The following PID1 variants were observed in gnomAD, a reference collection of about 807,000 sequenced individuals.
PID1 encodes phosphotyrosine interaction domain containing 1, also known as PTB-containing, cubilin and LRP1-interacting protein.
A neutral mutation model predicts 19.1 loss-of-function variants in PID1; 10 were observed. That is an observed-to-expected ratio of 0.52 (90% confidence interval 0.32 to 0.89). The LOEUF (loss-of-function observed/expected upper bound fraction) is 0.89, where lower values mean the gene tolerates loss of function less well. PID1 is among the 40% of genes least tolerant of loss of function. The pLI is 0.03. For synonymous variants in PID1, 130 were observed against 116.0 expected, an observed-to-expected ratio of 1.12 and a Z score of -0.78; for missense variants, 248 against 285.3, an observed-to-expected ratio of 0.87 and a Z score of 0.94.
chr2:229,219,851 CATT>C (rs1691928260), intron 1 of PID1, among the ~76,000 whole-genome samples: 2 of 149,952 alleles, frequency 1.3e-5, no homozygotes, highest in African/African-American at 4.9e-5. Context: ...TTTTTTTTGT[CATT>C]GTTGTAGATA....
At chr2:229,054,717 TGTGGGG>T (rs1435093029) in intron 2 of PID1, among the ~76,000 whole-genome samples, 143 of 8,746 alleles carry the variant, frequency 0.016, 1 homozygote, top group Non-Finnish European at 0.037. Flanking sequence ...TGTGTGTGTG[TGTGGGG>T]GGGGGGGGGG....
At chr2:229,268,792 G>T (rs1423942706) in intron 1 of PID1, among the ~76,000 whole-genome samples, 3 of 151,960 alleles carry the variant, frequency 2.0e-5, no homozygotes, top group African/African-American at 7.2e-5. Context: ...TGAGGAATCG[G>T]ACAGGCATGT....
Position 229,271,118 on chromosome 2 carries a change from C to T in PID1, c.-75G>A, listed in dbSNP as rs1042523875. On this transcript the variant is annotated 5_prime_UTR_variant, in exon 1 of 3. Coordinates refer to ENST00000392055, the MANE Select transcript of PID1 (RefSeq NM_001100818.2). ...GCGCCGGGGGGCGAGGGGCTGGGGTCCCGCTTTACATCTGGGGTCGGTGTC... is the reference window on the plus strand; with the variant it reads ...GCGCCGGGGGGCGAGGGGCTGGGGTTCCGCTTTACATCTGGGGTCGGTGTC... 4.7e-6 allele frequency: 7 copies of T among 1,487,218 alleles called. No individual in the cohort carries two copies. Among genetic ancestry groups the T allele is most frequent in the South Asian group, 1.2e-5 (1 of 81,178 alleles). 92.1% of individuals were successfully genotyped at this position (1,487,218 alleles called of 1,614,324 possible).
chr2:229,132,961 A>G (rs1689775770), intron 2 of PID1, among the ~76,000 whole-genome samples: 1 of 152,220 alleles, frequency 6.6e-6, no homozygotes, highest in African/African-American at 2.4e-5. Context: ...ATTTTGTTGT[A>G]GCCAATGCTT....
chr2:229,225,964 T>A (rs1208641814), intron 1 of PID1, among the ~76,000 whole-genome samples: 3 of 152,170 alleles, frequency 2.0e-5, no homozygotes, highest in African/African-American at 7.2e-5. Flanking sequence ...CAGGATGACA[T>A]CTGGTTGGGG....
intron 2 of PID1, among the ~76,000 whole-genome samples, chr2:229,041,895 G>T (rs1477412112): frequency 6.6e-6 from 1 of 152,080 alleles, no homozygotes; most frequent in Non-Finnish European, 1.5e-5. Flanking sequence ...CCAGATTAAA[G>T]GACATTAATG....
rs987230888 is a variant in PID1 at position 229,024,473 on chromosome 2, A to T, written c.*1159T>A. On this transcript the variant is annotated 3_prime_UTR_variant, in exon 3 of 3. Transcript: ENST00000392055. ...TTAGTGAGAACTTCCCATTCAAAATAAAAAAAAAGGGCAATTCTGACCCTA... is the reference window on the plus strand; with the variant it reads ...TTAGTGAGAACTTCCCATTCAAAATTAAAAAAAAGGGCAATTCTGACCCTA... 2.0e-5 allele frequency: 3 copies of T among 146,930 alleles called. No homozygotes were observed. The highest frequency in any genetic ancestry group is 6.7e-5 in the Admixed American group (1 of 14,934). The allele number at this position is 146,930 out of a possible 1,614,324, so 9.1% of individuals were successfully genotyped here.
At chr2:229,182,491 T>A (rs890256145) in intron 1 of PID1, among the ~76,000 whole-genome samples, 1 of 152,188 alleles carries the variant, frequency 6.6e-6, no homozygotes, top group Admixed American at 6.5e-5. Flanking sequence ...TAGAGGTCAC[T>A]TGTCCACAGC....
intron 2 of PID1, among the ~76,000 whole-genome samples, chr2:229,041,597 T>A (rs1466173270): frequency 6.6e-6 from 1 of 152,170 alleles, no homozygotes; most frequent in Non-Finnish European, 1.5e-5. Context: ...GGACTAAACA[T>A]CTGATGAGAA....
chr2:229,186,746 A>T lies in PID1; in HGVS notation c.31-30782T>A, dbSNP rs185234457. Among the ~76,000 whole-genome samples the T allele has an allele frequency of 1.3e-4, 20 of 152,284 alleles. No homozygotes were observed. In the East Asian group the frequency reaches 3.1e-3, roughly 24 times the overall value. Reference sequence around the variant, plus strand: ...AGACATTTTCCCCATTGTCTTGGGGACTAACTTTTGGCTCCTCATTACTTA... The same window carrying T: ...AGACATTTTCCCCATTGTCTTGGGGTCTAACTTTTGGCTCCTCATTACTTA... On this transcript the variant is annotated intron_variant, in intron 1 of 2. Coordinates refer to ENST00000392055, the MANE Select transcript of PID1 (RefSeq NM_001100818.2).
At chr2:229,229,503 G>T (rs1692157705) in intron 1 of PID1, among the ~76,000 whole-genome samples, 1 of 152,170 alleles carries the variant, frequency 6.6e-6, no homozygotes, top group Admixed American at 6.5e-5. Flanking sequence ...CAGGTATGGT[G>T]GTGCATGCCT....
At chr2:229,220,498 T>C (rs932320730) in intron 1 of PID1, among the ~76,000 whole-genome samples, 4 of 152,194 alleles carry the variant, frequency 2.6e-5, no homozygotes, top group East Asian at 3.9e-4. Context: ...AGTGAACCAA[T>C]AGGCAATGTG....
chr2:229,085,711 TG>T (rs1694751022), intron 2 of PID1, among the ~76,000 whole-genome samples: 2 of 152,154 alleles, frequency 1.3e-5, no homozygotes, highest in African/African-American at 2.4e-5. Context: ...CAATCAAGTA[TG>T]CCCTTTGTCC....
At chr2:229,191,508 T>A (rs1053599308) in intron 1 of PID1, among the ~76,000 whole-genome samples, 2 of 152,180 alleles carry the variant, frequency 1.3e-5, no homozygotes, top group African/African-American at 4.8e-5. Flanking sequence ...CATCCATCAG[T>A]GCCTCAAAGA....
chr2:229,094,540 T>C (rs1694936966), intron 2 of PID1, among the ~76,000 whole-genome samples: 1 of 152,134 alleles, frequency 6.6e-6, no homozygotes, highest in Non-Finnish European at 1.5e-5. Flanking sequence ...CTTCGAATTA[T>C]ACTAAAAGGA....
chr2:229,243,026 T>C (rs765082843), intron 1 of PID1, among the ~76,000 whole-genome samples: 14 of 152,086 alleles, frequency 9.2e-5, no homozygotes, highest in Non-Finnish European at 1.8e-4. Context: ...CTGATAAAGA[T>C]ATACCCAAGA....
intron 1 of PID1, among the ~76,000 whole-genome samples, chr2:229,266,714 G>A (rs2106296064): frequency 6.6e-6 from 1 of 152,268 alleles, no homozygotes; most frequent in Non-Finnish European, 1.5e-5. Context: ...TCGACTCTCT[G>A]GCCTTCAGTT....
intron 1 of PID1, among the ~76,000 whole-genome samples, chr2:229,169,645 T>G (rs1690670533): frequency 6.6e-6 from 1 of 152,210 alleles, no homozygotes; most frequent in Admixed American, 6.5e-5. Context: ...ATGCTGTCTC[T>G]TTCCAACTCA....
At chr2:229,185,877 C>G (rs981083923) in intron 1 of PID1, among the ~76,000 whole-genome samples, 4 of 152,172 alleles carry the variant, frequency 2.6e-5, no homozygotes, top group Non-Finnish European at 5.9e-5. Context: ...CAACAGTCCT[C>G]CAAAGTCTTA....
Sources: allele counts gnomAD v4.1 joint callset (sites outside exome capture counted in the v4.1 genomes callset), GRCh38; gene constraint gnomAD v4.1.1; transcripts MANE v1.5; gene names NCBI Gene and HGNC (gene_info 2026-07-23, HGNC 2026-07-21).